Variants in INTS3 observed in about 807,000 individuals in gnomAD.
INTS3 encodes integrator complex subunit 3, also known as SOSS complex subunit A.
Under a neutral mutation model 146.3 loss-of-function variants are expected in INTS3, and 34 were observed. The observed-to-expected ratio is 0.23, with a 90% confidence interval of 0.18 to 0.31. The LOEUF is 0.31. Among genes scored for constraint, INTS3 ranks in the 10% least tolerant of loss-of-function variants. The pLI, the probability that INTS3 is intolerant of heterozygous loss-of-function variation, is 1.00. For synonymous variants in INTS3, 475 were observed against 494.9 expected (o/e 0.96, Z 0.53); for missense variants, 757 against 1,304.2 (o/e 0.58, Z 6.46).
intron 1 of INTS3, among the ~76,000 whole-genome samples, chr1:153,730,108 T>A (rs1244345481): frequency 1.3e-5 from 2 of 152,138 alleles, no homozygotes; most frequent in African/African-American, 4.8e-5. Flanking sequence ...TGGTAGAACA[T>A]ACATGCCAAA....
chr1:153,740,571 T>C (rs1387713690), intron 1 of INTS3, 80 bp from the exon 2 acceptor site: 7 of 1,035,116 alleles, frequency 6.8e-6, no homozygotes, highest in Middle Eastern at 2.0e-4. Flanking sequence ...CAGGTTTGAA[T>C]TGTTAAACTT....
At chr1:153,729,650 A>G (rs543409622) in intron 1 of INTS3, among the ~76,000 whole-genome samples, 81 of 152,218 alleles carry the variant, frequency 5.3e-4, no homozygotes, top group African/African-American at 1.9e-3. Flanking sequence ...GGCGGATCAC[A>G]AGGTCAAGAG....
At chr1:153,738,950 A>G (rs1277876055) in intron 1 of INTS3, among the ~76,000 whole-genome samples, 3 of 150,928 alleles carry the variant, frequency 2.0e-5, no homozygotes, top group Non-Finnish European at 4.4e-5. Context: ...CTGGAGTGCA[A>G]TGATGCCAAC....
At chr1:153,741,447 G>A (rs1261615289) in intron 3 of INTS3, 79 bp downstream of exon 3, 15 of 1,063,766 alleles carry the variant, frequency 1.4e-5, no homozygotes, top group Non-Finnish European at 2.2e-5. Flanking sequence ...TTTAACTGGG[G>A]TAGTATGAAA....
chr1:153,771,024 T>TG (rs1672834143), intron 25 of INTS3, among the ~76,000 whole-genome samples: 1 of 152,026 alleles, frequency 6.6e-6, no homozygotes, highest in African/African-American at 2.4e-5. Context: ...TGGTGGCTCC[T>TG]GCTCCCCGCC....
At chr1:153,761,718 G>A in intron 14 of INTS3, 42 bp downstream of exon 14, 1 of 1,425,060 alleles carries the variant, frequency 7.0e-7, no homozygotes, top group Non-Finnish European at 9.9e-7. Flanking sequence ...CAAAAGAGGG[G>A]CAAGACAACC....
chr1:153,730,296 A>C (rs1297280546), intron 1 of INTS3, among the ~76,000 whole-genome samples: 1 of 152,228 alleles, frequency 6.6e-6, no homozygotes, highest in African/African-American at 2.4e-5. Flanking sequence ...TATAATTATG[A>C]ATGTGAACAA....
chr1:153,753,107 A>T (rs901914552), intron 8 of INTS3, among the ~76,000 whole-genome samples: 1 of 152,112 alleles, frequency 6.6e-6, no homozygotes, highest in Non-Finnish European at 1.5e-5. Context: ...CTGGGAAGTC[A>T]GGAAAGAAGA....
Position 153,728,587 on chromosome 1 carries a change from T to G in INTS3, c.-48T>G. On this transcript the variant is annotated 5_prime_UTR_variant, in exon 1 of 30. Coordinates refer to ENST00000318967, the MANE Select transcript of INTS3 (RefSeq NM_023015.5). ...ATCCAGAGATCCCGATATCTAGGAC[T>G]GTCCATCCATCCACTCCCTGACCTT... 1 of 1,562,228 alleles carries G rather than the reference T, an allele frequency of 6.4e-7. No individual in the cohort carries two copies. Among genetic ancestry groups the G allele is most frequent in the Non-Finnish European group, 8.6e-7 (1 of 1,159,534 alleles).
intron 3 of INTS3, among the ~76,000 whole-genome samples, chr1:153,744,962 A>T (rs939431383): frequency 2.0e-5 from 3 of 152,162 alleles, no homozygotes; most frequent in African/African-American, 7.2e-5. Flanking sequence ...CTAATCTCTT[A>T]TGTCATCTGG....
At chr1:153,739,723 C>T (rs1365407961) in intron 1 of INTS3, among the ~76,000 whole-genome samples, 4 of 152,124 alleles carry the variant, frequency 2.6e-5, no homozygotes, top group African/African-American at 4.8e-5. Flanking sequence ...CCCACCTCAG[C>T]CTCCCAAAGT....
chr1:153,746,863 A>G (rs925913054), intron 3 of INTS3, 94 bp from the exon 4 acceptor site: 1 of 705,538 alleles, frequency 1.4e-6, no homozygotes, highest in African/African-American at 1.8e-5. Context: ...GTGTTATTTA[A>G]GTTTAAGGGA....
Position 153,772,419 on chromosome 1 carries a change from C to T in INTS3, c.2800C>T (p.Leu934=). 1 of 1,614,148 alleles carries T rather than the reference C, an allele frequency of 6.2e-7. No individual in the cohort carries two copies. Among genetic ancestry groups the T allele is most frequent in the Non-Finnish European group, 8.5e-7 (1 of 1,180,030 alleles). Residue 934 remains leucine, a synonymous_variant, in exon 27 of 30, where the codon CTG becomes TTG. Transcript: ENST00000318967. The surrounding 1 kb of genome is among the most constrained non-coding windows in gnomAD (Gnocchi z 4.6). ...GCACTTGGACAATCTGCGGCTCAAC[C>T]TGACCAACACCAAGCAGAACTGTAT... The part of the protein sequence containing the change: ...LEHLDNLRLN[L]TNTKQNFFSQ...
Position 153,728,392 on chromosome 1 carries a change from G to A in INTS3, c.-243G>A, listed in dbSNP as rs1053835223. On this transcript the variant is annotated 5_prime_UTR_variant, in exon 1 of 30. Transcript: ENST00000318967. ...ACAGGCCTTTACCCCACTGTACTTCGGAGCCAACGCCTTTCCCTCAGCACT... is the reference window on the plus strand; with the variant it reads ...ACAGGCCTTTACCCCACTGTACTTCAGAGCCAACGCCTTTCCCTCAGCACT... 14 of 488,450 alleles carry A rather than the reference G, an allele frequency of 2.9e-5. No homozygotes were observed. Among genetic ancestry groups the A allele is most frequent in the Admixed American group, 7.8e-5 (2 of 25,600 alleles). 30.3% of individuals were successfully genotyped at this position (488,450 alleles called of 1,614,324 possible). A position where few individuals can be genotyped will look rare whatever the true frequency, so the allele number is the denominator to read the frequency against.
chr1:153,751,114 A>G lies in INTS3; in HGVS notation c.604A>G (p.Ser202Gly), dbSNP rs1453607558. 1 of 1,614,228 alleles carries G rather than the reference A, an allele frequency of 6.2e-7. No individual in the cohort carries two copies. Among genetic ancestry groups the G allele is most frequent in the Admixed American group, 1.7e-5 (1 of 60,030 alleles). ...CTGCAGGGAGTGGGTCCTGAAGAGCAGCATCCTCATTGCCATGGCTGTTTA... is the reference window on the plus strand; with the variant it reads ...CTGCAGGGAGTGGGTCCTGAAGAGCGGCATCCTCATTGCCATGGCTGTTTA... ...TEQREWVLKS[S>G]ILIAMAVYTY... The change falls in exon 7 of 30, where the codon AGC becomes GGC. Residue 202 changes from serine to glycine, a missense_variant. Around this residue, in one of 8 missense-constraint regions of INTS3, gnomAD observed 134 missense variants for 243.1 expected, o/e 0.55. Transcript: ENST00000318967.
intron 11 of INTS3, chr1:153,759,911 C>A (rs1274199233): frequency 2.0e-6 from 1 of 505,876 alleles, no homozygotes; most frequent in Non-Finnish European, 3.5e-6. Context: ...TATTACTTCC[C>A]TTCTCAAAGC....
At chr1:153,762,599 G>T (rs900487295) in intron 14 of INTS3, 129 bp from the exon 15 acceptor site, 2 of 1,127,836 alleles carry the variant, frequency 1.8e-6, no homozygotes, top group East Asian at 2.5e-5. Flanking sequence ...TCCTCCCAGG[G>T]TCAGTATTCC....
chr1:153,763,758 A>T (rs1672475171), intron 16 of INTS3, 74 bp from the exon 17 acceptor site: 3 of 1,266,340 alleles, frequency 2.4e-6, no homozygotes, highest in Admixed American at 1.9e-5. Context: ...GTGCTTGTGC[A>T]CTGTTCTGGG....
intron 13 of INTS3, 24 bp downstream of exon 13, chr1:153,760,942 AG>A: frequency 6.2e-7 from 1 of 1,605,688 alleles, no homozygotes; most frequent in Non-Finnish European, 8.5e-7. Flanking sequence ...TGGGGGAAGG[AG>A]GTTGTTTTCC....
Sources: allele counts gnomAD v4.1 joint callset (sites outside exome capture counted in the v4.1 genomes callset), GRCh38; gene constraint gnomAD v4.1.1; regional missense constraint gnomAD v4.1.1; non-coding constraint Gnocchi (gnomAD v3.1); transcripts MANE v1.5; gene names NCBI Gene and HGNC (gene_info 2026-07-23, HGNC 2026-07-21).